Variants in PTH2R observed in about 807,000 individuals in gnomAD.
PTH2R encodes parathyroid hormone 2 receptor, also known as PTH2 receptor.
Under a neutral mutation model 60.3 loss-of-function variants are expected in PTH2R, and 59 were observed. The observed-to-expected ratio is 0.98, with a 90% CI of 0.79 to 1.22. The LOEUF is 1.22. Among genes scored for constraint, PTH2R ranks in the 50% most tolerant of loss-of-function variants. The pLI, the probability that PTH2R is intolerant of heterozygous loss-of-function variation, is 0.00. For synonymous variants in PTH2R, 256 were observed against 243.8 expected (o/e 1.05, Z -0.47); for missense variants, 749 against 682.6 (o/e 1.10, Z -1.08).
intron 1 of PTH2R, among the ~76,000 whole-genome samples, chr2:208,385,728 C>T (rs1700990131): frequency 6.6e-6 from 1 of 152,218 alleles, no homozygotes; most frequent in Non-Finnish European, 1.5e-5. Context: ...TTCAATCTGG[C>T]TTTCAGCCTT....
chr2:208,408,740 A>AGAAAGAGAGAGAGAGAGAGAG (rs1553542827), intron 1 of PTH2R, among the ~76,000 whole-genome samples: 3,161 of 122,784 alleles, frequency 0.026, 108 homozygotes, highest in African/African-American at 0.059. Flanking sequence ...GAGAGAGAGA[A>AGAAAGAGAGAGAGAGAGAGAG]AGAGAGAGAG....
chr2:208,431,207 C>T (rs1701964975), intron 2 of PTH2R, among the ~76,000 whole-genome samples: 1 of 152,148 alleles, frequency 6.6e-6, no homozygotes, highest in Non-Finnish European at 1.5e-5. Flanking sequence ...AACAACTGTT[C>T]AATCCATCCA....
intron 9 of PTH2R, among the ~76,000 whole-genome samples, chr2:208,478,493 G>A (rs58584638): frequency 0.018 from 2,812 of 152,162 alleles, 74 homozygotes; most frequent in African/African-American, 0.061. Context: ...ATCCTCACTC[G>A]AACACCCTTT....
intron 9 of PTH2R, among the ~76,000 whole-genome samples, chr2:208,479,853 TA>T (rs1703105291): frequency 6.6e-6 from 1 of 152,182 alleles, no homozygotes; most frequent in Admixed American, 6.5e-5. Flanking sequence ...CAAATGGATG[TA>T]AAAAAATAAA....
intron 11 of PTH2R, among the ~76,000 whole-genome samples, chr2:208,489,781 C>T (rs1054587543): frequency 6.6e-6 from 1 of 152,220 alleles, no homozygotes; most frequent in Non-Finnish European, 1.5e-5. Context: ...TGTCGTGGAG[C>T]CTGTCTGCCT....
At position 208,393,095 on chromosome 2, in the gene PTH2R, C is replaced by G. The variant is rs187057470; in HGVS notation, c.-259+32858C>G. Among the ~76,000 whole-genome samples the G allele has an allele frequency of 6.6e-5, 10 of 152,362 alleles. No individual in the cohort carries two copies. In the East Asian group the frequency reaches 1.7e-3, roughly 26 times the overall value. On this transcript the variant is annotated intron_variant, in intron 1 of 12. Transcript: ENST00000617735. ...ACTTTACAAGCTTGCAACGCTGCTA[C>G]TAGAGCCTCTGTTCTCTTGTATTTC...
chr2:208,388,442 C>T (rs1701048904), intron 1 of PTH2R, among the ~76,000 whole-genome samples: 1 of 152,198 alleles, frequency 6.6e-6, no homozygotes, highest in African/African-American at 2.4e-5. Flanking sequence ...CACTATCCTT[C>T]AACACTACAA....
Position 208,460,068 on chromosome 2 carries a change from C to T in PTH2R, c.981+107C>T, listed in dbSNP as rs920421836. The T allele has an allele frequency of 5.4e-6, 5 of 919,286 alleles. No individual in the cohort carries two copies. In the African/African-American group the frequency reaches 8.3e-5, roughly 15 times the overall value. 56.9% of individuals were successfully genotyped at this position (919,286 alleles called of 1,614,324 possible). A position where few individuals can be genotyped will look rare whatever the true frequency, so the allele number is the denominator to read the frequency against. ...TGCATTCTACAACAGATCTGAGAAA[C>T]TGACAAGTACAGCAACATCTATTGG... On this transcript the variant is annotated intron_variant, in intron 9 of 12. Coordinates refer to ENST00000272847, the MANE Select transcript of PTH2R (RefSeq NM_005048.4).
intron 1 of PTH2R, among the ~76,000 whole-genome samples, chr2:208,383,199 T>C (rs1246523436): frequency 6.6e-6 from 1 of 152,260 alleles, no homozygotes; most frequent in East Asian, 1.9e-4. Flanking sequence ...TTTTCTTTCT[T>C]TCTTTTTAAA....
At chr2:208,368,831 G>C (rs1340376143) in intron 1 of PTH2R, among the ~76,000 whole-genome samples, 1 of 152,172 alleles carries the variant, frequency 6.6e-6, no homozygotes, top group Non-Finnish European at 1.5e-5. Flanking sequence ...ACCCAAGTAA[G>C]ACTATTGGAA....
At chr2:208,462,365 A>G (rs1472129637) in intron 9 of PTH2R, among the ~76,000 whole-genome samples, 1 of 152,238 alleles carries the variant, frequency 6.6e-6, no homozygotes, top group African/African-American at 2.4e-5. Flanking sequence ...GAATATCTCA[A>G]GAGACAAGAA....
At chr2:208,417,948 T>C (rs1701674670) in intron 1 of PTH2R, among the ~76,000 whole-genome samples, 1 of 152,212 alleles carries the variant, frequency 6.6e-6, no homozygotes, top group South Asian at 2.1e-4. Context: ...CAATTTTGGC[T>C]TTATTCTGTT....
At chr2:208,375,433 T>A (rs1190883934) in intron 1 of PTH2R, among the ~76,000 whole-genome samples, 1 of 152,172 alleles carries the variant, frequency 6.6e-6, no homozygotes, top group African/African-American at 2.4e-5. Context: ...AAGCCCATTA[T>A]TAATAATTTG....
chr2:208,363,895 G>A lies in PTH2R; in HGVS notation c.-259+3658G>A, dbSNP rs181501913. ...TTTTGCTTGTTAATTTAAGTTTCAT[G>A]TAGATTCTGGATATTAGACCTTTGT... On this transcript the variant is annotated intron_variant, in intron 1 of 12. Coordinates refer to the PTH2R transcript ENST00000617735. Among the ~76,000 whole-genome samples, 145 of 152,170 alleles carry A rather than the reference G, an allele frequency of 9.5e-4. 2 individuals are homozygous for A. Among genetic ancestry groups the A allele is most frequent in the Non-Finnish European group, 1.3e-4 (9 of 67,972 alleles).
At chr2:208,365,776 TCA>T (rs1157878318) in intron 1 of PTH2R, among the ~76,000 whole-genome samples, 1 of 145,150 alleles carries the variant, frequency 6.9e-6, no homozygotes, top group Non-Finnish European at 1.5e-5. Context: ...GGTCTCACTG[TCA>T]CCCAGGCTGG....
intron 1 of PTH2R, among the ~76,000 whole-genome samples, chr2:208,422,009 G>A (rs775177636): frequency 2.6e-5 from 4 of 152,182 alleles, no homozygotes; most frequent in Non-Finnish European, 5.9e-5. Flanking sequence ...AGGCTGAGAA[G>A]TACTAGGATT....
chr2:208,398,162 G>A (rs541369200), intron 1 of PTH2R, among the ~76,000 whole-genome samples: 1 of 151,978 alleles, frequency 6.6e-6, no homozygotes, highest in Admixed American at 6.6e-5. Context: ...GTCACCCTAG[G>A]CATTTCATTA....
In PTH2R at chr2:208,450,720, CTA is replaced by C. The variant is rs1559224227; in HGVS notation, c.854-28_854-27del. ...AAACCTCCTTAATCTTAAAATAAATCTAGTCTCTGAATCATTTTCTGATTTCA... is the reference window on the plus strand; with the variant it reads ...AAACCTCCTTAATCTTAAAATAAATCGTCTCTGAATCATTTTCTGATTTCA... On this transcript the variant is annotated intron_variant, in intron 7 of 12. Transcript: ENST00000272847. 8.7e-6 allele frequency: 14 copies of C among 1,609,148 alleles called. No homozygotes were observed. In the African/African-American group the frequency reaches 9.3e-5, roughly 11 times the overall value.
intron 1 of PTH2R, among the ~76,000 whole-genome samples, chr2:208,365,942 ATATATATATATATATATATTTTTTTTT>A (rs1700574557): frequency 4.8e-4 from 7 of 14,704 alleles, no homozygotes; most frequent in South Asian, 2.2e-3. Context: ...ATATATATAT[ATATATATATATATATATATTTTTTTTT>A]TTTTTTTTTT....
Sources: allele counts gnomAD v4.1 joint callset (sites outside exome capture counted in the v4.1 genomes callset), GRCh38; gene constraint gnomAD v4.1.1; transcripts MANE v1.5; gene names NCBI Gene and HGNC (gene_info 2026-07-23, HGNC 2026-07-21).